MACROD2: variants seen among roughly 807,000 people sequenced by gnomAD.
The protein encoded by MACROD2 is mono-ADP ribosylhydrolase 2.
A neutral mutation model predicts 70.4 loss-of-function variants in MACROD2; 36 were observed. The observed-to-expected ratio is 0.51, with a 90% CI of 0.39 to 0.68. MACROD2 has a LOEUF of 0.68. Ranked by LOEUF, MACROD2 falls within the 30% of genes least tolerant of loss-of-function variation. The pLI is 0.00. For synonymous variants in MACROD2, 172 were observed against 178.8 expected (o/e 0.96, Z 0.30); for missense variants, 496 against 538.4 (o/e 0.92, Z 0.78).
At chr20:15,327,407 C>A (rs7263594) in intron 6 of MACROD2, among the ~76,000 whole-genome samples, 7,662 of 152,134 alleles carry the variant, frequency 0.05, 215 homozygotes, top group South Asian at 0.085. Flanking sequence ...TGGATAATTT[C>A]TAAAGGAAAG....
chr20:15,312,035 CAAAA>C (rs990119377), intron 6 of MACROD2, among the ~76,000 whole-genome samples: 1 of 150,964 alleles, frequency 6.6e-6, no homozygotes, highest in African/African-American at 2.4e-5. Flanking sequence ...TCTAAATAAA[CAAAA>C]AAAATTAAAG....
At chr20:14,176,311 A>G (rs1163517498) in intron 3 of MACROD2, among the ~76,000 whole-genome samples, 3 of 152,218 alleles carry the variant, frequency 2.0e-5, no homozygotes, top group African/African-American at 4.8e-5. Flanking sequence ...AACAGATGGC[A>G]TAAGTGTTTG....
chr20:14,610,191 G>A (rs1983071620), intron 4 of MACROD2, among the ~76,000 whole-genome samples: 1 of 152,108 alleles, frequency 6.6e-6, no homozygotes. Flanking sequence ...GGGGTTTATT[G>A]TAGAATGCCT....
chr20:14,979,113 A>C (rs1429869095), intron 5 of MACROD2, among the ~76,000 whole-genome samples: 1 of 55,298 alleles, frequency 1.8e-5, no homozygotes, highest in African/African-American at 7.9e-5. Flanking sequence ...CACCATACCC[A>C]GCTAATTTTT....
intron 3 of MACROD2, among the ~76,000 whole-genome samples, chr20:14,362,257 G>A (rs1246993432): frequency 6.6e-6 from 1 of 152,192 alleles, no homozygotes; most frequent in Non-Finnish European, 1.5e-5. Context: ...AACCAAGTGA[G>A]ACAGGTACTT....
intron 2 of MACROD2, among the ~76,000 whole-genome samples, chr20:14,036,626 A>G (rs1243915132): frequency 6.6e-6 from 1 of 152,202 alleles, no homozygotes; most frequent in Non-Finnish European, 1.5e-5. Flanking sequence ...AGGAATCTGT[A>G]TATTTAGCAC....
intron 5 of MACROD2, among the ~76,000 whole-genome samples, chr20:14,952,395 A>T (rs1170537516): frequency 6.6e-6 from 1 of 152,174 alleles, no homozygotes; most frequent in African/African-American, 2.4e-5. Context: ...AAGTGTTAAC[A>T]TCTATGCTGA....
At chr20:14,981,456 G>A (rs6131627) in intron 5 of MACROD2, among the ~76,000 whole-genome samples, 112,543 of 133,172 alleles carry the variant, frequency 0.85, 47,140 homozygotes, top group East Asian at 0.96. Context: ...ATATATATGT[G>A]TGTGTGTGTC....
At chr20:14,974,846 C>T (rs539218063) in intron 5 of MACROD2, among the ~76,000 whole-genome samples, 3 of 152,184 alleles carry the variant, frequency 2.0e-5, no homozygotes, top group Non-Finnish European at 4.4e-5. Context: ...TATGTGGATG[C>T]CATGCAGACT....
intron 5 of MACROD2, among the ~76,000 whole-genome samples, chr20:14,740,836 G>C (rs1028744933): frequency 2.0e-5 from 3 of 152,124 alleles, no homozygotes; most frequent in African/African-American, 7.2e-5. Context: ...CCTCTTTTGA[G>C]AGTTTTCTGC....
At chr20:14,656,172 G>A (rs557668614) in intron 4 of MACROD2, among the ~76,000 whole-genome samples, 2 of 152,146 alleles carry the variant, frequency 1.3e-5, no homozygotes, top group Non-Finnish European at 2.9e-5. Flanking sequence ...TTCCCCAGGG[G>A]ACTACATCTT....
intron 7 of MACROD2, among the ~76,000 whole-genome samples, chr20:15,457,963 G>GA (rs570322661): frequency 6.1e-4 from 84 of 137,642 alleles, no homozygotes; most frequent in African/African-American, 1.3e-3. Context: ...AAAAAAAAAA[G>GA]AAAAAAGAAA....
intron 3 of MACROD2, among the ~76,000 whole-genome samples, chr20:14,280,545 C>A (rs2122402331): frequency 6.6e-6 from 1 of 152,236 alleles, no homozygotes; most frequent in African/African-American, 2.4e-5. Context: ...GACCAAGGAT[C>A]TCTTCCCCAA....
intron 4 of MACROD2, among the ~76,000 whole-genome samples, chr20:14,610,380 T>C (rs1319552299): frequency 6.6e-6 from 1 of 152,140 alleles, no homozygotes; most frequent in Non-Finnish European, 1.5e-5. Flanking sequence ...AATATAATCT[T>C]TCATTTCATT....
At chr20:14,356,292 A>C (rs1183719064) in intron 3 of MACROD2, among the ~76,000 whole-genome samples, 1 of 152,098 alleles carries the variant, frequency 6.6e-6, no homozygotes, top group East Asian at 1.9e-4. Flanking sequence ...ATAACCTCTT[A>C]CTATTTTTTT....
At chr20:14,796,477 T>A (rs2072511107) in intron 5 of MACROD2, among the ~76,000 whole-genome samples, 1 of 152,148 alleles carries the variant, frequency 6.6e-6, no homozygotes, top group Non-Finnish European at 1.5e-5. Context: ...AAGTGAAATA[T>A]AGTTTACTTA....
intron 10 of MACROD2, among the ~76,000 whole-genome samples, chr20:15,923,673 G>A (rs750578962): frequency 2.5e-4 from 38 of 151,508 alleles, no homozygotes; most frequent in Non-Finnish European, 4.6e-4. Context: ...GAAGTTTGAG[G>A]ACCAGTACTC....
intron 8 of MACROD2, among the ~76,000 whole-genome samples, chr20:15,557,013 G>A (rs2048177220): frequency 6.6e-6 from 1 of 151,970 alleles, no homozygotes; most frequent in Non-Finnish European, 1.5e-5. Context: ...AAGTAGGGAG[G>A]GCTCCAATCA....
intron 6 of MACROD2, among the ~76,000 whole-genome samples, chr20:15,371,018 A>C (rs1568756180): frequency 6.6e-6 from 1 of 152,126 alleles, no homozygotes; most frequent in Non-Finnish European, 1.5e-5. Flanking sequence ...ACACACATTC[A>C]GTACATGTTT....
Sources: allele counts gnomAD v4.1 joint callset (sites outside exome capture counted in the v4.1 genomes callset), GRCh38; gene constraint gnomAD v4.1.1; transcripts MANE v1.5; gene names NCBI Gene and HGNC (gene_info 2026-07-23, HGNC 2026-07-21).